The following CCDC18 variants were observed in gnomAD, a reference collection of about 807,000 sequenced individuals.
The protein encoded by CCDC18 is coiled-coil domain containing 18.
CCDC18 carries 157 observed loss-of-function variants against 196.0 expected under a neutral mutation model. That is an observed-to-expected ratio of 0.80 (90% confidence interval 0.70 to 0.91). The LOEUF is 0.91. Ranked by LOEUF, CCDC18 falls within the 40% of genes least tolerant of loss-of-function variation. The probability of loss-of-function intolerance (pLI) is 0.00; values close to 1 mark genes in which losing one functional copy is unlikely to be tolerated. For synonymous variants in CCDC18, 482 were observed against 529.2 expected (o/e 0.91, Z 1.22); for missense variants, 1,465 against 1,611.6 (o/e 0.91, Z 1.56).
chr1:93,216,935 C>CTCTTTTTTTTTTTTTTTTTTTTT (rs781629982), intron 13 of CCDC18, among the ~76,000 whole-genome samples, 189 bp downstream of exon 13: 1 of 132,770 alleles, frequency 7.5e-6, no homozygotes. Context: ...CAAGTTTTCT[C>CTCTTTTTTTTTTTTTTTTTTTTT]TTTTTTTTTT....
At chr1:93,277,031 G>C (rs2101593679) in intron 28 of CCDC18, among the ~76,000 whole-genome samples, 1 of 119,080 alleles carries the variant, frequency 8.4e-6, no homozygotes, top group Middle Eastern at 3.5e-3. Context: ...AGGGTCAGCA[G>C]ACAAACACGT....
intron 6 of CCDC18, among the ~76,000 whole-genome samples, chr1:93,198,823 T>C (rs937909921): frequency 2.0e-5 from 3 of 151,982 alleles, no homozygotes; most frequent in African/African-American, 7.3e-5. Flanking sequence ...AATTTTTAAA[T>C]TTTTTTTACA....
intron 6 of CCDC18, among the ~76,000 whole-genome samples, chr1:93,200,485 A>G (rs1017074160): frequency 1.3e-5 from 2 of 152,194 alleles, no homozygotes; most frequent in Non-Finnish European, 2.9e-5. Context: ...CACAACAAAA[A>G]GTGAAAACAA....
At chr1:93,212,296 C>A (rs1002105525) in intron 11 of CCDC18, 35 bp downstream of exon 11, 2 of 1,325,424 alleles carry the variant, frequency 1.5e-6, no homozygotes, top group South Asian at 1.8e-5. Context: ...AAATTATATT[C>A]AGAGTTTTGG....
chr1:93,208,848 T>C (rs1173243697), intron 9 of CCDC18, among the ~76,000 whole-genome samples: 4 of 151,670 alleles, frequency 2.6e-5, no homozygotes, highest in African/African-American at 9.7e-5. Context: ...GTATTTTTAG[T>C]AGAGACGGGG....
intron 25 of CCDC18, 103 bp downstream of exon 25, chr1:93,256,641 A>C: frequency 1.1e-6 from 1 of 913,380 alleles, no homozygotes; most frequent in Non-Finnish European, 1.7e-6. Context: ...ACTGTATTGC[A>C]CAACAGTGTG....
Position 93,183,346 on chromosome 1 carries a change from A to AT in CCDC18, c.-2-4dup, listed in dbSNP as rs372305157. ...CTTTCAGACAAGGTACAAGAAATTC[A>AT]TTTTTTTTTTAAGAAATGGAATCTA... is the stretch of plus-strand genomic sequence containing the variant. On this transcript the variant is annotated splice_polypyrimidine_tract_variant and intron_variant, in intron 1 of 28. Transcript: ENST00000690025. 6,500 of 1,362,868 alleles carry AT rather than the reference A, an allele frequency of 4.8e-3. 1 individual carries two copies. Among genetic ancestry groups the AT allele is most frequent in the South Asian group, 9.0e-3 (617 of 68,488 alleles). 84.4% of individuals were successfully genotyped at this position (1,362,868 alleles called of 1,614,324 possible).
intron 1 of CCDC18, 125 bp downstream of exon 1, chr1:93,180,977 T>A: frequency 5.4e-6 from 5 of 928,310 alleles, no homozygotes; most frequent in Non-Finnish European, 7.7e-6. Flanking sequence ...GGACTGGTCC[T>A]CGTGGTTGCT....
At chr1:93,248,472 T>C (rs1005951588) in intron 23 of CCDC18, among the ~76,000 whole-genome samples, 45 of 152,206 alleles carry the variant, frequency 3.0e-4, no homozygotes, top group African/African-American at 1.1e-3. Flanking sequence ...TGTTTAATGA[T>C]TTGTGTATGT....
At chr1:93,193,857 A>T (rs1652266659) in intron 6 of CCDC18, 113 bp downstream of exon 6, 1 of 719,442 alleles carries the variant, frequency 1.4e-6, no homozygotes, top group East Asian at 3.5e-5. Context: ...TTTGGCAATA[A>T]ATTAACTTAA....
At position 93,222,516 on chromosome 1, in the gene CCDC18, T is replaced by G. The variant is rs189936433; in HGVS notation, c.2175+580T>G. Among the ~76,000 whole-genome samples, 684 of 152,324 alleles carry G rather than the reference T, an allele frequency of 4.5e-3. 1 individual carries two copies. Among genetic ancestry groups the G allele is most frequent in the Non-Finnish European group, 7.3e-3 (497 of 68,022 alleles). On this transcript the variant is annotated intron_variant, in intron 16 of 28. Transcript: ENST00000690025. The stretch of plus-strand genomic sequence containing the variant: ...AGTTGGCTTGTAAGATTAATTGAGA[T>G]AAAGCCAGAATTTCTAGCTAAAATA...
chr1:93,180,417 G>A, upstream of CCDC18: 1 of 1,258,278 alleles, frequency 7.9e-7, no homozygotes, highest in Non-Finnish European at 1.1e-6. Context: ...GTTCTCCAAA[G>A]GGTAGGGACT....
Position 93,207,159 on chromosome 1 carries a change from G to T in CCDC18, c.970G>T (p.Val324Leu), listed in dbSNP as rs762535792. 6.3e-7 allele frequency: 1 copy of T among 1,595,418 alleles called. No individual in the cohort carries two copies. The highest frequency in any genetic ancestry group is 1.7e-5 in the Admixed American group (1 of 59,228). The stretch of plus-strand genomic sequence containing the variant: ...AAAAGAAAAATTAAGGATCATGGCA[G>T]TGAAAAATTCAGAAGTCATGGCACA... ...NGKEKLRIMA[V>L]KNSEVMAQLT... Residue 324 changes from valine to leucine, a missense_variant, in exon 9 of 29, where the codon GTG becomes TTG. Transcript: ENST00000690025.
intron 27 of CCDC18, among the ~76,000 whole-genome samples, chr1:93,267,386 CA>C (rs1664671543): frequency 1.3e-5 from 2 of 152,134 alleles, no homozygotes; most frequent in African/African-American, 2.4e-5. Context: ...TGGCACAAGA[CA>C]GGGGTGCCCT....
At chr1:93,213,092 T>C (rs1655924559) in intron 11 of CCDC18, among the ~76,000 whole-genome samples, 1 of 152,032 alleles carries the variant, frequency 6.6e-6, no homozygotes, top group Non-Finnish European at 1.5e-5. Flanking sequence ...TGACAGGAGG[T>C]AGAGCTCCAG....
At chr1:93,214,629 A>T in intron 11 of CCDC18, 114 bp from the exon 12 acceptor site, 1 of 659,848 alleles carries the variant, frequency 1.5e-6, no homozygotes, top group Non-Finnish European at 2.6e-6. Flanking sequence ...TGTCCCTTTT[A>T]GTACTCTTTA....
intron 12 of CCDC18, 69 bp downstream of exon 12, chr1:93,215,035 TTTATAAAAA>T (rs1268136549): frequency 1.0e-6 from 1 of 981,072 alleles, no homozygotes; most frequent in Non-Finnish European, 1.5e-6. Flanking sequence ...ATTTTAGGGT[TTTATAAAAA>T]TTATATGTTT....
At chr1:93,271,248 C>T (rs2101549557) in intron 28 of CCDC18, 12 of 985,264 alleles carry the variant, frequency 1.2e-5, no homozygotes, top group Non-Finnish European at 1.4e-5. Flanking sequence ...ATCACTGATC[C>T]TTGGAAAGTT....
intron 1 of CCDC18, among the ~76,000 whole-genome samples, chr1:93,181,251 C>G (rs1649620471): frequency 8.2e-6 from 1 of 122,142 alleles, no homozygotes; most frequent in Non-Finnish European, 1.6e-5. Flanking sequence ...CTGTGTCAAG[C>G]GATCTTGAGA....
Sources: gnomAD v4.1 joint callset for allele counts (sites outside exome capture counted in the v4.1 genomes callset) on GRCh38, gnomAD v4.1.1 for gene constraint, MANE v1.5 for transcripts, NCBI Gene and HGNC (gene_info 2026-07-23, HGNC 2026-07-21) for gene names.